Variants in LRRIQ3 observed in about 807,000 individuals in gnomAD.
LRRIQ3 encodes leucine-rich repeat and IQ domain-containing protein 3.
LRRIQ3 carries 75 observed loss-of-function variants against 59.3 expected under a neutral mutation model. The observed-to-expected ratio is 1.26, with a 90% confidence interval of 1.05 to 1.53. The LOEUF (loss-of-function observed/expected upper bound fraction) is 1.53, where lower values mean the gene tolerates loss of function less well. Ranked by LOEUF, LRRIQ3 falls within the 40% of genes most tolerant of loss-of-function variation. The pLI is 0.00. For missense variants in LRRIQ3, 831 were observed against 710.0 expected (o/e 1.17, Z -1.94); for synonymous variants, 250 against 231.3 (o/e 1.08, Z -0.73).
At chr1:74,074,176 C>A (rs957722800) in intron 6 of LRRIQ3, among the ~76,000 whole-genome samples, 1 of 152,106 alleles carries the variant, frequency 6.6e-6, no homozygotes, top group Admixed American at 6.5e-5. Flanking sequence ...CCAACTTCTA[C>A]CCCAAATGAG....
chr1:74,070,278 A>T (rs952342566), intron 6 of LRRIQ3, among the ~76,000 whole-genome samples: 1 of 152,128 alleles, frequency 6.6e-6, no homozygotes, highest in Non-Finnish European at 1.5e-5. Context: ...CATACACAAG[A>T]TGGAATACTA....
At chr1:74,132,975 G>A (rs1468164130) in intron 4 of LRRIQ3, among the ~76,000 whole-genome samples, 2 of 151,900 alleles carry the variant, frequency 1.3e-5, no homozygotes, top group African/African-American at 4.8e-5. Context: ...TCTGACAATG[G>A]GCTAATATCC....
At chr1:74,125,847 C>T (rs764400218) in intron 4 of LRRIQ3, among the ~76,000 whole-genome samples, 9 of 151,766 alleles carry the variant, frequency 5.9e-5, no homozygotes, top group Non-Finnish European at 1.0e-4. Flanking sequence ...ATTCTTTTAT[C>T]AGGATAATAC....
intron 5 of LRRIQ3, chr1:74,081,794 C>T (rs1004046772): frequency 1.3e-5 from 2 of 151,228 alleles, no homozygotes; most frequent in African/African-American, 4.8e-5. Context: ...AATTCTATAT[C>T]TTTATCTAAA....
intron 5 of LRRIQ3, among the ~76,000 whole-genome samples, chr1:74,094,762 A>G (rs1646431487): frequency 6.6e-6 from 1 of 152,096 alleles, no homozygotes; most frequent in South Asian, 2.1e-4. Context: ...TTAGAGGGCA[A>G]ACATCACTTA....
intron 3 of LRRIQ3, among the ~76,000 whole-genome samples, chr1:74,160,685 TATC>T (rs1427830920): frequency 6.6e-6 from 1 of 152,060 alleles, no homozygotes; most frequent in Non-Finnish European, 1.5e-5. Context: ...TTATTTAGCT[TATC>T]AACTATTTCA....
intron 3 of LRRIQ3, among the ~76,000 whole-genome samples, chr1:74,164,657 A>C (rs913779290): frequency 1.3e-5 from 2 of 151,342 alleles, no homozygotes; most frequent in Non-Finnish European, 3.0e-5. Context: ...AAAATTTTTG[A>C]AAAAAAATTT....
At chr1:74,029,647 G>C (rs1006012211) in intron 7 of LRRIQ3, among the ~76,000 whole-genome samples, 59 of 152,152 alleles carry the variant, frequency 3.9e-4, no homozygotes, top group African/African-American at 1.4e-3. Flanking sequence ...AGGGATATTG[G>C]TCTAAAATTC....
At chr1:74,037,047 A>T (rs1653893884) in intron 7 of LRRIQ3, among the ~76,000 whole-genome samples, 1 of 151,348 alleles carries the variant, frequency 6.6e-6, no homozygotes, top group South Asian at 2.1e-4. Flanking sequence ...TGTAAAAAGC[A>T]CTCTCTTCTC....
chr1:74,143,151 G>T (rs1183394255), intron 4 of LRRIQ3, among the ~76,000 whole-genome samples: 1 of 151,822 alleles, frequency 6.6e-6, no homozygotes, highest in Non-Finnish European at 1.5e-5. Context: ...ATAAAATAAA[G>T]AAACAATTCA....
chr1:74,043,799 T>C (rs1038165513), intron 6 of LRRIQ3, among the ~76,000 whole-genome samples: 2 of 152,102 alleles, frequency 1.3e-5, no homozygotes, highest in African/African-American at 4.8e-5. Flanking sequence ...TTTCCACCCA[T>C]AGTCTGAAGA....
At chr1:74,103,134 A>G (rs1646558432) in intron 5 of LRRIQ3, among the ~76,000 whole-genome samples, 1 of 152,032 alleles carries the variant, frequency 6.6e-6, no homozygotes, top group Non-Finnish European at 1.5e-5. Context: ...CCAGCTTCTT[A>G]TATGAGACCC....
chr1:74,120,389 T>C (rs1465410807), intron 4 of LRRIQ3, among the ~76,000 whole-genome samples: 1 of 152,080 alleles, frequency 6.6e-6, no homozygotes, highest in Non-Finnish European at 1.5e-5. Flanking sequence ...GTGCTGAGAT[T>C]ACAGGTGTGA....
At chr1:74,057,902 T>G (rs931855335) in intron 6 of LRRIQ3, among the ~76,000 whole-genome samples, 1 of 151,996 alleles carries the variant, frequency 6.6e-6, no homozygotes, top group Non-Finnish European at 1.5e-5. Context: ...AACTAAAAAA[T>G]AGTCAAAATC....
rs564642226 is a variant in LRRIQ3 at position 74,041,575 on chromosome 1, T to C, written c.1356A>G (p.Arg452=). 1.9e-6 allele frequency: 3 copies of C among 1,613,618 alleles called. No individual in the cohort carries two copies. The highest frequency in any genetic ancestry group is 2.2e-5 in the East Asian group (1 of 44,868). Residue 452 remains arginine (R), a synonymous_variant, in exon 7 of 8, where the codon AGA becomes AGG. Coordinates refer to ENST00000354431, the MANE Select transcript of LRRIQ3 (RefSeq NM_001105659.2). ...VVAMAQVARE[R]VRVAVNEHLN... ...AATGTTCATTAACAGCTACTCTAAC[T>C]CTTTCTCGAGCAACTTGTGCCATGG...
chr1:74,088,661 A>G (rs1218356113), intron 5 of LRRIQ3, among the ~76,000 whole-genome samples: 1 of 152,004 alleles, frequency 6.6e-6, no homozygotes, highest in Non-Finnish European at 1.5e-5. Context: ...ACCACATGAA[A>G]ATTAGCTCAT....
In LRRIQ3 at chr1:74,198,046, C is replaced by A; in HGVS notation, c.-51G>T. 1.2e-6 allele frequency: 1 copy of A among 853,370 alleles called. No individual in the cohort carries two copies. The highest frequency in any genetic ancestry group is 1.7e-6 in the Non-Finnish European group (1 of 577,818). 52.9% of individuals were successfully genotyped at this position (853,370 alleles called of 1,614,324 possible). A position where few individuals can be genotyped will look rare whatever the true frequency, so the allele number is the denominator to read the frequency against. The stretch of plus-strand genomic sequence containing the variant: ...ATGAGTTGGAGACAAGTGGCCCAGC[C>A]CCAACACAGTCAGACAAATCGCTGG... On this transcript the variant is annotated 5_prime_UTR_variant, in exon 1 of 8. Transcript: ENST00000354431.
At chr1:74,101,640 C>T (rs1000053646) in intron 5 of LRRIQ3, among the ~76,000 whole-genome samples, 3 of 152,082 alleles carry the variant, frequency 2.0e-5, no homozygotes, top group Non-Finnish European at 4.4e-5. Context: ...TTCACAATAG[C>T]AAAGACTTGG....
intron 7 of LRRIQ3, among the ~76,000 whole-genome samples, chr1:74,032,887 C>G (rs1553160906): frequency 6.6e-6 from 1 of 151,596 alleles, no homozygotes; most frequent in Non-Finnish European, 1.5e-5. Context: ...TAGCTTTTTA[C>G]AGAAAAATGG....
Sources: allele counts gnomAD v4.1 joint callset (sites outside exome capture counted in the v4.1 genomes callset), GRCh38; gene constraint gnomAD v4.1.1; transcripts MANE v1.5; gene names NCBI Gene and HGNC (gene_info 2026-07-23, HGNC 2026-07-21).